CNTNAP5: variants seen among roughly 807,000 people sequenced by gnomAD.
CNTNAP5 encodes contactin associated protein family member 5.
In CNTNAP5, 72 loss-of-function variants were observed where a neutral mutation model predicts 150.2. The ratio of observed to expected loss-of-function variants is 0.48; its 90% CI spans 0.40 to 0.58. The LOEUF is 0.58. Among genes scored for constraint, CNTNAP5 ranks in the 20% least tolerant of loss-of-function variants. The pLI, the probability that CNTNAP5 is intolerant of heterozygous loss-of-function variation, is 0.00. For missense variants in CNTNAP5, 1,636 were observed against 1,626.2 expected (o/e 1.01, Z -0.10); for synonymous variants, 672 against 619.8 (o/e 1.08, Z -1.25).
chr2:124,627,522 C>CAAA (rs3039905), intron 12 of CNTNAP5, among the ~76,000 whole-genome samples: 30 of 132,050 alleles, frequency 2.3e-4, no homozygotes, highest in African/African-American at 8.7e-4. Context: ...ACAACAACAT[C>CAAA]AAAAAAAAAA....
At chr2:124,551,533 T>A (rs1197900097) in intron 10 of CNTNAP5, among the ~76,000 whole-genome samples, 1 of 152,200 alleles carries the variant, frequency 6.6e-6, no homozygotes, top group Non-Finnish European at 1.5e-5. Flanking sequence ...AGCTGATTTT[T>A]AATGTATGCG....
At chr2:124,610,985 G>A (rs889989860) in intron 12 of CNTNAP5, among the ~76,000 whole-genome samples, 2 of 151,120 alleles carry the variant, frequency 1.3e-5, no homozygotes, top group African/African-American at 4.9e-5. Context: ...AGCTATGCAA[G>A]CACTCCTATT....
At chr2:124,312,434 C>T (rs1401093002) in intron 3 of CNTNAP5, among the ~76,000 whole-genome samples, 6 of 152,062 alleles carry the variant, frequency 3.9e-5, no homozygotes, top group Non-Finnish European at 7.4e-5. Context: ...CTGCAACCTC[C>T]GCACCACTCC....
chr2:124,369,831 G>A (rs1033788731), intron 3 of CNTNAP5, among the ~76,000 whole-genome samples: 2 of 152,112 alleles, frequency 1.3e-5, no homozygotes, highest in African/African-American at 2.4e-5. Context: ...AGGAAAGGCA[G>A]TTCCCTCAGG....
At chr2:124,257,225 T>G (rs1687335640) in intron 3 of CNTNAP5, among the ~76,000 whole-genome samples, 1 of 152,224 alleles carries the variant, frequency 6.6e-6, no homozygotes, top group Admixed American at 6.6e-5. Context: ...TTGTGGTAAT[T>G]TGTTATGGCA....
At chr2:124,108,195 C>T (rs1683210159) in intron 1 of CNTNAP5, among the ~76,000 whole-genome samples, 1 of 152,110 alleles carries the variant, frequency 6.6e-6, no homozygotes, top group Non-Finnish European at 1.5e-5. Context: ...TCTTGAGGCC[C>T]ACAAGGAATT....
intron 14 of CNTNAP5, among the ~76,000 whole-genome samples, chr2:124,752,563 C>T (rs374215396): frequency 2.0e-5 from 3 of 151,984 alleles, no homozygotes; most frequent in Non-Finnish European, 2.9e-5. Context: ...AACTACCCGT[C>T]GGAATTAGCT....
chr2:124,707,043 AGGAGG>A (rs201598257), intron 13 of CNTNAP5, among the ~76,000 whole-genome samples: 1,297 of 125,624 alleles, frequency 0.01, 120 homozygotes, highest in African/African-American at 0.041. Flanking sequence ...AAGAAGAAGG[AGGAGG>A]AGGAGGAGGA....
chr2:124,340,965 A>G (rs183068321), intron 3 of CNTNAP5, among the ~76,000 whole-genome samples: 78 of 151,210 alleles, frequency 5.2e-4, no homozygotes, highest in Non-Finnish European at 9.1e-4. Flanking sequence ...AGTCCCACCT[A>G]CTCAGGAGGC....
chr2:124,568,444 C>G (rs941594987), intron 11 of CNTNAP5, among the ~76,000 whole-genome samples: 8 of 152,208 alleles, frequency 5.3e-5, no homozygotes, highest in African/African-American at 1.7e-4. Context: ...ATGAATTGCA[C>G]TAGTCATTCA....
chr2:124,911,625 G>A (rs1678657249), intron 23 of CNTNAP5, 87 bp downstream of exon 23: 2 of 1,060,506 alleles, frequency 1.9e-6, no homozygotes, highest in East Asian at 5.2e-5. Flanking sequence ...CTTAATTATG[G>A]CCATCCAGCA....
At chr2:124,419,854 C>G (rs1338575977) in intron 4 of CNTNAP5, among the ~76,000 whole-genome samples, 1 of 151,996 alleles carries the variant, frequency 6.6e-6, no homozygotes, top group Non-Finnish European at 1.5e-5. Flanking sequence ...GAACCTAATT[C>G]TCCCTTTCAG....
At chr2:124,189,827 G>C (rs1685419676) in intron 1 of CNTNAP5, among the ~76,000 whole-genome samples, 2 of 152,128 alleles carry the variant, frequency 1.3e-5, no homozygotes. Flanking sequence ...TTCATCTAAA[G>C]GGCATAGGGG....
chr2:124,160,191 G>T (rs996096001), intron 1 of CNTNAP5, among the ~76,000 whole-genome samples: 1 of 152,112 alleles, frequency 6.6e-6, no homozygotes, highest in African/African-American at 2.4e-5. Context: ...CAGGAACAAT[G>T]ATAGTTAAAG....
chr2:124,576,285 G>T (rs1696281740), intron 11 of CNTNAP5, among the ~76,000 whole-genome samples: 1 of 152,044 alleles, frequency 6.6e-6, no homozygotes, highest in African/African-American at 2.4e-5. Context: ...GTTTTCAGTG[G>T]CACAGATTTC....
Position 124,396,136 on chromosome 2 carries a change from C to A in CNTNAP5, c.382-21307C>A, listed in dbSNP as rs182335972. 2.6e-5 allele frequency among the ~76,000 whole-genome samples: 4 copies of A among 152,312 alleles called. No homozygotes were observed. The East Asian group carries it at 7.7e-4, about 29-fold the overall frequency. ...AACAGGGCCAGCTTATAAGACCTTG[C>A]AAGTCAAGCTAAGGAACTCCATATG... On this transcript the variant is annotated intron_variant, in intron 3 of 23. Transcript: ENST00000682447.
intron 1 of CNTNAP5, among the ~76,000 whole-genome samples, chr2:124,133,742 G>T (rs1469351480): frequency 6.6e-6 from 1 of 152,108 alleles, no homozygotes; most frequent in Non-Finnish European, 1.5e-5. Context: ...CCCTGACATG[G>T]TGACAGATCT....
At position 124,774,871 on chromosome 2, in the gene CNTNAP5, GA is replaced by G. The variant is rs554689451; in HGVS notation, c.2752+1857del. On this transcript the variant is annotated intron_variant, in intron 17 of 23. Coordinates refer to ENST00000682447, the MANE Select transcript of CNTNAP5 (RefSeq NM_001367498.1). Reference sequence around the variant, plus strand: ...GATAAAGTTTGCGCAAGTCAAAAGGGAAAGGCGGCAGCTGTGTTTCATGGCA... The same window carrying G: ...GATAAAGTTTGCGCAAGTCAAAAGGGAAGGCGGCAGCTGTGTTTCATGGCA... 3.3e-4 allele frequency among the ~76,000 whole-genome samples: 51 copies of G among 152,306 alleles called. No homozygotes were observed. In the South Asian group the frequency reaches 4.1e-3, roughly 12 times the overall value.
chr2:124,242,586 TC>T (rs869205612), intron 3 of CNTNAP5, 193 bp downstream of exon 3: 3 of 513,518 alleles, frequency 5.8e-6, no homozygotes, highest in Non-Finnish European at 1.0e-5. Context: ...AGGATGTCTG[TC>T]GCAAATAGTT....
Sources: gnomAD v4.1 joint callset for allele counts (sites outside exome capture counted in the v4.1 genomes callset) on GRCh38, gnomAD v4.1.1 for gene constraint, MANE v1.5 for transcripts, NCBI Gene and HGNC (gene_info 2026-07-23, HGNC 2026-07-21) for gene names.